The following DLGAP1 variants were observed in gnomAD, a reference collection of about 807,000 sequenced individuals.
DLGAP1 encodes disks large-associated protein 1.
Under a neutral mutation model 90.8 loss-of-function variants are expected in DLGAP1, and 11 were observed. The observed-to-expected ratio is 0.12, with a 90% CI of 0.08 to 0.20. DLGAP1 has a LOEUF of 0.20. Among genes scored for constraint, DLGAP1 ranks in the 10% least tolerant of loss-of-function variants. DLGAP1 has a pLI of 1.00. For synonymous variants in DLGAP1, 558 were observed against 540.7 expected (o/e 1.03, Z -0.44); for missense variants, 1,050 against 1,333.8 (o/e 0.79, Z 3.31).
At chr18:3,507,024 A>G (rs74485246) in intron 11 of DLGAP1, among the ~76,000 whole-genome samples, 10,929 of 151,184 alleles carry the variant, frequency 0.072, 472 homozygotes, top group African/African-American at 0.1. Context: ...ACGTGTGTGT[A>G]TGGGGCAGGG....
rs149063723 is a variant in DLGAP1, at chr18:3,587,297, C to G, written c.1592-5049G>C. On this transcript the variant is annotated intron_variant, in intron 7 of 12. Coordinates refer to ENST00000315677, the MANE Select transcript of DLGAP1 (RefSeq NM_004746.4). ...CTCAAACCCCTGACCTCAGGTGATTCACCTGCCTCGGCCTCCCAAAGTGCT... is the reference window on the plus strand; with the variant it reads ...CTCAAACCCCTGACCTCAGGTGATTGACCTGCCTCGGCCTCCCAAAGTGCT... Among the ~76,000 whole-genome samples, 1,376 of 152,168 alleles carry G rather than the reference C, an allele frequency of 9.0e-3. 18 individuals carry two copies. The highest frequency in any genetic ancestry group is 0.03 in the African/African-American group (1,252 of 41,464).
intron 1 of DLGAP1, among the ~76,000 whole-genome samples, chr18:4,221,357 A>G (rs1437445611): frequency 6.6e-6 from 1 of 152,146 alleles, no homozygotes; most frequent in Non-Finnish European, 1.5e-5. Context: ...AAAAATAATC[A>G]AAAGAGCTCT....
chr18:4,290,234 T>C (rs1450444602), intron 1 of DLGAP1, among the ~76,000 whole-genome samples: 1 of 152,230 alleles, frequency 6.6e-6, no homozygotes, highest in Non-Finnish European at 1.5e-5. Flanking sequence ...CTAGGTATTA[T>C]GCATACGGTT....
In DLGAP1 at chr18:3,683,151, C is replaced by T. The variant is rs79454699; in HGVS notation, c.1591+45984G>A. Reference sequence around the variant, plus strand: ...GATTACAGGTGTGAGCCACCGCACCCGGCCATATCCAAAACTTTGAGGAAG... The same window carrying T: ...GATTACAGGTGTGAGCCACCGCACCTGGCCATATCCAAAACTTTGAGGAAG... On this transcript the variant is annotated intron_variant, in intron 7 of 12. Coordinates refer to ENST00000315677, the MANE Select transcript of DLGAP1 (RefSeq NM_004746.4). 4.4e-3 allele frequency among the ~76,000 whole-genome samples: 666 copies of T among 152,202 alleles called. 10 individuals are homozygous for T. The highest frequency in any genetic ancestry group is 0.016 in the African/African-American group (644 of 41,522).
intron 7 of DLGAP1, among the ~76,000 whole-genome samples, chr18:3,673,447 C>A (rs1040120751): frequency 6.6e-6 from 1 of 152,126 alleles, no homozygotes; most frequent in African/African-American, 2.4e-5. Flanking sequence ...TGATAGAAAG[C>A]CATGGTTGAT....
chr18:3,978,270 G>C (rs1599257332), intron 3 of DLGAP1: 2 of 404,580 alleles, frequency 4.9e-6, no homozygotes, highest in South Asian at 3.9e-5. Context: ...GACCCTTTTG[G>C]TACCCCCTGC....
intron 3 of DLGAP1, among the ~76,000 whole-genome samples, chr18:3,966,972 G>A (rs1172831604): frequency 1.3e-5 from 2 of 152,168 alleles, no homozygotes; most frequent in African/African-American, 4.8e-5. Context: ...AGAGGAGGAG[G>A]AGGAGGAGAA....
chr18:3,749,148 CTTTTTT>C (rs776707431), intron 5 of DLGAP1, among the ~76,000 whole-genome samples: 140 of 120,668 alleles, frequency 1.2e-3, no homozygotes, highest in African/African-American at 4.2e-3. Flanking sequence ...TCTTCTTCTT[CTTTTTT>C]TTTTTTTTTT....
At position 3,545,740 on chromosome 18, in the gene DLGAP1, C is replaced by T. The variant is rs572317581; in HGVS notation, c.2058-11125G>A. On this transcript the variant is annotated intron_variant, in intron 9 of 12. Transcript: ENST00000315677. Reference sequence around the variant, plus strand: ...AAACTAAAATAAATAAAAATAGAGACGTAAATAGTTTAAAGTAAAAGGATG... The same window carrying T: ...AAACTAAAATAAATAAAAATAGAGATGTAAATAGTTTAAAGTAAAAGGATG... Among the ~76,000 whole-genome samples, 150 of 151,628 alleles carry T rather than the reference C, an allele frequency of 9.9e-4. 3 individuals carry two copies. The highest frequency in any genetic ancestry group is 2.7e-3 in the African/African-American group (112 of 41,294).
intron 1 of DLGAP1, among the ~76,000 whole-genome samples, chr18:4,176,766 A>T (rs1568498): frequency 0.038 from 5,732 of 152,270 alleles, 391 homozygotes; most frequent in African/African-American, 0.13. Context: ...TTGTTCTGAG[A>T]TAAGTTGGCC....
chr18:3,765,378 C>T (rs989002779), intron 5 of DLGAP1, among the ~76,000 whole-genome samples: 8 of 151,080 alleles, frequency 5.3e-5, no homozygotes, highest in Admixed American at 3.3e-4. Context: ...GATCTGCCCA[C>T]CTTGGCCTCC....
chr18:3,592,737 G>A (rs2056321068), intron 7 of DLGAP1, among the ~76,000 whole-genome samples: 1 of 150,620 alleles, frequency 6.6e-6, no homozygotes, highest in African/African-American at 2.4e-5. Flanking sequence ...TCAGCTACTC[G>A]GTAGGCTGAG....
rs140920485 is a variant in DLGAP1, at chr18:4,364,536, TGGGA to T, written c.-267+90466_-267+90469del. 2.6e-3 allele frequency among the ~76,000 whole-genome samples: 395 copies of T among 152,108 alleles called. 5 individuals carry two copies. Among genetic ancestry groups the T allele is most frequent in the East Asian group, 0.018 (92 of 5,176 alleles). Reference sequence around the variant, plus strand: ...AACAAACAGTAATGGCAATAAAACATGGGAGGGAGTGCCCAGAATTGAGATGCTG... The same window carrying T: ...AACAAACAGTAATGGCAATAAAACATGGGAGTGCCCAGAATTGAGATGCTG... On this transcript the variant is annotated intron_variant, in intron 1 of 12. Coordinates refer to ENST00000315677, the MANE Select transcript of DLGAP1 (RefSeq NM_004746.4).
chr18:4,208,535 G>A (rs2077769603), intron 1 of DLGAP1, among the ~76,000 whole-genome samples: 1 of 152,324 alleles, frequency 6.6e-6, no homozygotes, highest in African/African-American at 2.4e-5. Context: ...AGTAACATAT[G>A]TTGTTGAAAT....
chr18:3,931,773 T>C (rs953850009), intron 3 of DLGAP1, among the ~76,000 whole-genome samples: 1 of 152,150 alleles, frequency 6.6e-6, no homozygotes, highest in African/African-American at 2.4e-5. Flanking sequence ...TGTAAGGTAA[T>C]TGTAGTAATG....
intron 7 of DLGAP1, among the ~76,000 whole-genome samples, chr18:3,627,141 T>C (rs941412086): frequency 2.0e-5 from 3 of 152,168 alleles, no homozygotes; most frequent in African/African-American, 4.8e-5. Flanking sequence ...GGGCTCACTA[T>C]GTTGCCCAGG....
intron 1 of DLGAP1, among the ~76,000 whole-genome samples, chr18:4,311,410 A>G (rs2080393841): frequency 6.6e-6 from 1 of 152,210 alleles, no homozygotes; most frequent in South Asian, 2.1e-4. Flanking sequence ...AAGGCCAGGG[A>G]TGCCTTAGCA....
chr18:3,657,180 G>A (rs894816695), intron 7 of DLGAP1, among the ~76,000 whole-genome samples: 3 of 152,318 alleles, frequency 2.0e-5, no homozygotes, highest in Non-Finnish European at 4.4e-5. Flanking sequence ...CAATAGTCAT[G>A]ATCATTTAGG....
intron 1 of DLGAP1, among the ~76,000 whole-genome samples, chr18:4,257,973 ATG>A (rs10625642): frequency 0.03 from 4,304 of 141,312 alleles, 55 homozygotes; most frequent in African/African-American, 0.035. Flanking sequence ...AGTTATACAT[ATG>A]TGTGTGTGTG....
Sources: gnomAD v4.1 joint callset for allele counts (sites outside exome capture counted in the v4.1 genomes callset) on GRCh38, gnomAD v4.1.1 for gene constraint, MANE v1.5 for transcripts, NCBI Gene and HGNC (gene_info 2026-07-23, HGNC 2026-07-21) for gene names.